The following GRIA3 variants were observed in gnomAD, a reference collection of about 807,000 sequenced individuals.
GRIA3 encodes the protein glutamate receptor 3.
Under a neutral mutation model 63.0 loss-of-function variants are expected in GRIA3, and 3 were observed. That is an observed-to-expected ratio of 0.05 (90% CI 0.02 to 0.12). The LOEUF is 0.12. GRIA3 is among the 10% of genes least tolerant of loss of function. The probability of loss-of-function intolerance (pLI) is 1.00; values close to 1 mark genes in which losing one functional copy is unlikely to be tolerated. For missense variants in GRIA3, 347 were observed against 700.9 expected (o/e 0.50, Z 5.70); for synonymous variants, 274 against 257.9 (o/e 1.06, Z -0.60).
At chrX:123,246,827 A>T (rs1441224536) in intron 2 of GRIA3, among the ~76,000 whole-genome samples, 1 of 108,674 alleles carries the variant, frequency 9.2e-6, no homozygotes, top group African/African-American at 3.4e-5. Context: ...GAAAATAAAG[A>T]CTACATATAG....
chrX:123,308,491 G>T (rs1298579296), intron 3 of GRIA3, among the ~76,000 whole-genome samples: 1 of 111,721 alleles, frequency 9.0e-6, no homozygotes, highest in Admixed American at 9.5e-5. Flanking sequence ...AGTTAGACCC[G>T]ACTTGGCTGC....
chrX:123,405,313 T>C (rs1311814431), intron 10 of GRIA3, among the ~76,000 whole-genome samples: 1 of 111,580 alleles, frequency 9.0e-6, no homozygotes, highest in African/African-American at 3.3e-5. Flanking sequence ...CCATGTCCTA[T>C]GAATTCTACT....
At chrX:123,377,892 G>A (rs528543728) in intron 5 of GRIA3, among the ~76,000 whole-genome samples, 11 of 111,696 alleles carry the variant, frequency 9.8e-5, no homozygotes, top group Admixed American at 6.7e-4. Flanking sequence ...TGATGAAAAA[G>A]ATTTAACAAG....
At chrX:123,302,860 G>A (rs180908860) in intron 3 of GRIA3, among the ~76,000 whole-genome samples, 86 of 110,804 alleles carry the variant, frequency 7.8e-4, no homozygotes, top group African/African-American at 2.3e-3. Context: ...TGGTCATGGC[G>A]TACCCCTTAG....
At chrX:123,267,706 C>T (rs2044496547) in intron 3 of GRIA3, among the ~76,000 whole-genome samples, 1 of 111,827 alleles carries the variant, frequency 8.9e-6, no homozygotes, top group Non-Finnish European at 1.9e-5. Flanking sequence ...AGGAGGTAAG[C>T]TTGGCACAGA....
intron 3 of GRIA3, among the ~76,000 whole-genome samples, chrX:123,262,568 C>T (rs774467042): frequency 1.8e-5 from 2 of 112,358 alleles, no homozygotes; most frequent in African/African-American, 6.5e-5. Flanking sequence ...GTGTCTCTTA[C>T]TATGCCTAGA....
intron 2 of GRIA3, among the ~76,000 whole-genome samples, chrX:123,222,667 A>T (rs956331786): frequency 8.9e-6 from 1 of 112,316 alleles, no homozygotes; most frequent in Non-Finnish European, 1.9e-5. Context: ...GGTTTAGTTG[A>T]TACTGGGTGA....
chrX:123,244,600 A>G lies in GRIA3; in HGVS notation c.269-8703A>G, dbSNP rs113082752. 2.3e-3 allele frequency among the ~76,000 whole-genome samples: 264 copies of G among 112,840 alleles called. 3 individuals are homozygous for G. Among genetic ancestry groups the G allele is most frequent in the African/African-American group, 8.3e-3 (258 of 31,100 alleles). ...TTTTGCTCTTTGTAAGGAGGAATTCATAAGGTAAACCTTTGGTTCTCAATG... is the reference window on the plus strand; with the variant it reads ...TTTTGCTCTTTGTAAGGAGGAATTCGTAAGGTAAACCTTTGGTTCTCAATG... On this transcript the variant is annotated intron_variant, in intron 2 of 15. Coordinates refer to ENST00000620443, the MANE Select transcript of GRIA3 (RefSeq NM_007325.5).
At chrX:123,378,412 CTT>C (rs58776257) in intron 5 of GRIA3, among the ~76,000 whole-genome samples, 8 of 95,275 alleles carry the variant, frequency 8.4e-5, no homozygotes, top group Admixed American at 1.2e-4. Flanking sequence ...ACTTGAGGCA[CTT>C]TTTTTTTTTT....
At chrX:123,416,285 C>T (rs1478044130) in intron 10 of GRIA3, among the ~76,000 whole-genome samples, 1 of 111,728 alleles carries the variant, frequency 9.0e-6, no homozygotes, top group African/African-American at 3.3e-5. Context: ...AAAATATACT[C>T]TATATCAGAC....
chrX:123,277,440 T>A (rs2044561371), intron 3 of GRIA3, among the ~76,000 whole-genome samples: 1 of 110,890 alleles, frequency 9.0e-6, no homozygotes, highest in South Asian at 3.9e-4. Context: ...GAAAAAGGGG[T>A]AGGAGTCTGA....
intron 2 of GRIA3, among the ~76,000 whole-genome samples, chrX:123,209,495 T>C (rs934837873): frequency 2.7e-5 from 3 of 111,656 alleles, no homozygotes; most frequent in Non-Finnish European, 5.6e-5. Context: ...TACTCTTCTA[T>C]GCAACTAACT....
At position 123,464,845 on chromosome X, in the gene GRIA3, T is replaced by G; in HGVS notation, c.2077-20T>G. 8.3e-7 allele frequency: 1 copy of G among 1,201,326 alleles called. No individual in the cohort carries two copies. The highest frequency in any genetic ancestry group is 2.2e-5 in the Admixed American group (1 of 45,913). ...ACTGAATATCTGGCAGCTCTAAGAA[T>G]TCTTATCTCTTTGGTGCAGAGATCC... On this transcript the variant is annotated intron_variant, in intron 12 of 15. Coordinates refer to ENST00000620443, the MANE Select transcript of GRIA3 (RefSeq NM_007325.5).
At chrX:123,293,170 G>T (rs2044665942) in intron 3 of GRIA3, among the ~76,000 whole-genome samples, 1 of 110,724 alleles carries the variant, frequency 9.0e-6, no homozygotes, top group South Asian at 3.9e-4. Flanking sequence ...TGGGAAGAGA[G>T]TGAACCAAAG....
At chrX:123,204,832 C>T (rs766927608) in intron 2 of GRIA3, 13 of 228,944 alleles carry the variant, frequency 5.7e-5, no homozygotes, top group Non-Finnish European at 2.2e-5. Flanking sequence ...GCTCATCTTA[C>T]ACAGGTTGCC....
At chrX:123,391,059 ATTG>A (rs765107170) in intron 5 of GRIA3, among the ~76,000 whole-genome samples, 1 of 110,401 alleles carries the variant, frequency 9.1e-6, no homozygotes, top group East Asian at 2.8e-4. Flanking sequence ...ATTTATTTGT[ATTG>A]TTGTTCTGAT....
intron 4 of GRIA3, among the ~76,000 whole-genome samples, chrX:123,334,733 G>T (rs961990608): frequency 9.0e-6 from 1 of 111,479 alleles, no homozygotes; most frequent in Non-Finnish European, 1.9e-5. Flanking sequence ...GTAAAGCAGA[G>T]TACAGAAGCC....
rs751933087 is a variant in GRIA3 at position 123,287,064 on chromosome X, C to T, written c.508+33522C>T. On this transcript the variant is annotated intron_variant, in intron 3 of 15. Transcript: ENST00000620443. ...AGCAGCACATCAAAAAGCTTATCCA[C>T]CACGATCAAGTTGGCTTCATCCCTG... 3.0e-4 allele frequency among the ~76,000 whole-genome samples: 34 copies of T among 111,898 alleles called. No homozygotes were observed. The South Asian group carries it at 0.012, about 41-fold the overall frequency.
chrX:123,349,718 T>C (rs1205294853), intron 4 of GRIA3, among the ~76,000 whole-genome samples: 2 of 112,450 alleles, frequency 1.8e-5, no homozygotes, highest in African/African-American at 6.5e-5. Context: ...TTTATTCAAG[T>C]CAGATGACTG....
Sources: allele counts gnomAD v4.1 joint callset (sites outside exome capture counted in the v4.1 genomes callset), GRCh38; gene constraint gnomAD v4.1.1; transcripts MANE v1.5; gene names NCBI Gene and HGNC (gene_info 2026-07-23, HGNC 2026-07-21).